RBFOX1: variants seen among roughly 807,000 people sequenced by gnomAD.
RBFOX1 encodes RNA binding fox-1 homolog 1.
Under a neutral mutation model 57.7 loss-of-function variants are expected in RBFOX1, and 8 were observed. The observed-to-expected ratio is 0.14, with a 90% confidence interval of 0.08 to 0.25. The LOEUF is 0.25. Ranked by LOEUF, RBFOX1 falls within the 10% of genes least tolerant of loss-of-function variation. RBFOX1 has a pLI of 1.00. For synonymous variants in RBFOX1, 326 were observed against 222.4 expected, an observed-to-expected ratio of 1.47 and a Z score of -4.15; for missense variants, 611 against 548.5, an observed-to-expected ratio of 1.11 and a Z score of -1.14.
At chr16:6,894,068 T>C (rs2066166496) in intron 3 of RBFOX1, among the ~76,000 whole-genome samples, 1 of 152,090 alleles carries the variant, frequency 6.6e-6, no homozygotes, top group African/African-American at 2.4e-5. Context: ...ACTGGATCAA[T>C]AGATAGATAC....
In RBFOX1 at chr16:7,012,352, G is replaced by C. The variant is rs745345853; in HGVS notation, c.-15-39705G>C. Among the ~76,000 whole-genome samples the C allele has an allele frequency of 3.9e-5, 6 of 152,166 alleles. No individual in the cohort carries two copies. The South Asian group carries it at 6.2e-4, about 16-fold the overall frequency. On this transcript the variant is annotated intron_variant, in intron 3 of 15. Coordinates refer to ENST00000550418, the MANE Select transcript of RBFOX1 (RefSeq NM_018723.4). ...AGTGACAGACCTGGGACTGAATCAG[G>C]TCTCTTCAATTCCATCACCTTTTGT...
chr16:5,563,881 G>A (rs117967799), intron 2 of RBFOX1, among the ~76,000 whole-genome samples: 2,477 of 152,256 alleles, frequency 0.016, 33 homozygotes, highest in Non-Finnish European at 0.028. Context: ...CTAACCTGCT[G>A]TCTGTTACCA....
At chr16:7,432,417 A>G (rs1181497193) in intron 4 of RBFOX1, among the ~76,000 whole-genome samples, 2 of 152,156 alleles carry the variant, frequency 1.3e-5, no homozygotes, top group Non-Finnish European at 1.5e-5. Context: ...GAATTCTCCT[A>G]ATGCAATCGT....
intron 4 of RBFOX1, among the ~76,000 whole-genome samples, chr16:5,996,042 T>G (rs183450653): frequency 6.6e-6 from 1 of 152,236 alleles, no homozygotes; most frequent in East Asian, 1.9e-4. Flanking sequence ...GGGACCTCTT[T>G]TATAAGAGTA....
chr16:5,686,430 T>A (rs2151447884), intron 3 of RBFOX1, among the ~76,000 whole-genome samples: 1 of 152,270 alleles, frequency 6.6e-6, no homozygotes, highest in East Asian at 1.9e-4. Context: ...GAATAGGAGG[T>A]AGAATATAGT....
intron 3 of RBFOX1, among the ~76,000 whole-genome samples, chr16:5,646,922 C>T (rs992354106): frequency 6.6e-6 from 1 of 152,112 alleles, no homozygotes; most frequent in Non-Finnish European, 1.5e-5. Flanking sequence ...CGTGAGCCAC[C>T]ACGCCCAGCC....
intron 3 of RBFOX1, among the ~76,000 whole-genome samples, chr16:6,836,704 G>A (rs2093124640): frequency 6.6e-6 from 1 of 152,108 alleles, no homozygotes; most frequent in African/African-American, 2.4e-5. Flanking sequence ...GACTATGATA[G>A]CTCCCTTGCT....
chr16:5,601,611 G>T (rs927159795), downstream of RBFOX1: 3 of 152,176 alleles, frequency 2.0e-5, no homozygotes, highest in African/African-American at 7.2e-5. Context: ...TCATAATCTT[G>T]AAATAACTAT....
chr16:5,350,620 C>G (rs569741609), intron 1 of RBFOX1, among the ~76,000 whole-genome samples: 1 of 152,354 alleles, frequency 6.6e-6, no homozygotes, highest in South Asian at 2.1e-4. Context: ...AATCCCAGCA[C>G]TTTGGGAGGC....
chr16:5,654,665 A>T (rs1323204016), intron 3 of RBFOX1, among the ~76,000 whole-genome samples: 1 of 152,106 alleles, frequency 6.6e-6, no homozygotes, highest in South Asian at 2.1e-4. Flanking sequence ...ACAACCTGGC[A>T]TGACAGTCCG....
intron 1 of RBFOX1, among the ~76,000 whole-genome samples, chr16:6,036,788 A>C (rs2095370969): frequency 6.6e-6 from 1 of 152,220 alleles, no homozygotes; most frequent in African/African-American, 2.4e-5. Context: ...TAAAATTTAA[A>C]GAATAAACAT....
At chr16:6,473,498 C>G (rs1010668918) in intron 2 of RBFOX1, among the ~76,000 whole-genome samples, 6 of 152,100 alleles carry the variant, frequency 3.9e-5, no homozygotes, top group Admixed American at 2.0e-4. Context: ...TCTTATCTGT[C>G]TCCCTCACTA....
rs1232610072 is a variant in RBFOX1, at chr16:7,637,827, G to GAT, written c.757+7145_757+7146dup. 4.6e-5 allele frequency among the ~76,000 whole-genome samples: 7 copies of GAT among 152,262 alleles called. No homozygotes were observed. In the South Asian group the frequency reaches 1.5e-3, roughly 32 times the overall value. On this transcript the variant is annotated intron_variant, in intron 11 of 15. Coordinates refer to ENST00000550418, the MANE Select transcript of RBFOX1 (RefSeq NM_018723.4). ...AAGCAAGTGACGTGCTCACTTCAAAGATTAAAGGGGTATCCAAATACCTCA... is the reference window on the plus strand; with the variant it reads ...AAGCAAGTGACGTGCTCACTTCAAAGATATTAAAGGGGTATCCAAATACCTCA...
intron 3 of RBFOX1, among the ~76,000 whole-genome samples, chr16:6,961,795 G>T (rs28437175): frequency 0.61 from 92,877 of 151,748 alleles, 28,530 homozygotes; most frequent in Non-Finnish European, 0.63. Context: ...CCTTTAGCAT[G>T]CTAATGCGTT....
chr16:6,214,142 G>A (rs538738681), intron 1 of RBFOX1, among the ~76,000 whole-genome samples: 2 of 152,306 alleles, frequency 1.3e-5, no homozygotes, highest in South Asian at 4.1e-4. Context: ...CAAACCCGTT[G>A]TCATTGAGAC....
intron 2 of RBFOX1, among the ~76,000 whole-genome samples, chr16:6,413,997 C>A (rs181154571): frequency 1.3e-5 from 2 of 152,084 alleles, no homozygotes; most frequent in Non-Finnish European, 2.9e-5. Context: ...TGCACATAGA[C>A]GAGAAGGAAA....
At chr16:5,597,348 C>G (rs977102092) in intron 2 of RBFOX1, among the ~76,000 whole-genome samples, 1 of 150,280 alleles carries the variant, frequency 6.7e-6, no homozygotes, top group Non-Finnish European at 1.5e-5. Flanking sequence ...ACGACCCTCT[C>G]TCTGCCCAGG....
At chr16:6,875,186 G>T (rs1053223630) in intron 3 of RBFOX1, among the ~76,000 whole-genome samples, 1 of 152,088 alleles carries the variant, frequency 6.6e-6, no homozygotes, top group Non-Finnish European at 1.5e-5. Context: ...CATCTTCTTT[G>T]TATTATTATA....
rs147125723 is a variant in RBFOX1 at position 6,677,299 on chromosome 16, C to A, written c.-16+22649C>A. ...ACAGAATTAAGGGTGGTCAACACAT[C>A]TGTCATTCCTTAAGGCCCTTTTGTA... On this transcript the variant is annotated intron_variant, in intron 3 of 15. Transcript: ENST00000550418. Among the ~76,000 whole-genome samples, 413 of 152,284 alleles carry A rather than the reference C, an allele frequency of 2.7e-3. 4 individuals carry two copies. The highest frequency in any genetic ancestry group is 9.2e-3 in the African/African-American group (383 of 41,562).
Sources: allele counts gnomAD v4.1 joint callset (sites outside exome capture counted in the v4.1 genomes callset), GRCh38; gene constraint gnomAD v4.1.1; transcripts MANE v1.5; gene names NCBI Gene and HGNC (gene_info 2026-07-23, HGNC 2026-07-21).